MKS1: variants seen among roughly 807,000 people sequenced by gnomAD.
MKS1 encodes the protein tectonic-like complex member MKS1.
Under a neutral mutation model 83.7 loss-of-function variants are expected in MKS1, and 70 were observed. The ratio of observed to expected loss-of-function variants is 0.84; its 90% confidence interval spans 0.69 to 1.02. MKS1 has a LOEUF of 1.02. Ranked by LOEUF, MKS1 falls within the 50% of genes least tolerant of loss-of-function variation. MKS1 has a pLI of 0.00. For synonymous variants in MKS1, 251 were observed against 273.4 expected, an observed-to-expected ratio of 0.92 and a Z score of 0.81; for missense variants, 681 against 726.9, an observed-to-expected ratio of 0.94 and a Z score of 0.73.
chr17:58,214,214 AG>A (rs748083830), intron 6 of MKS1, 44 bp downstream of exon 6: 2 of 1,613,600 alleles, frequency 1.2e-6, no homozygotes, highest in African/African-American at 2.7e-5. Flanking sequence ...TGGTGAGAGG[AG>A]AAAAGGATGA....
Position 58,213,048 on chromosome 17 carries a change from C to A in MKS1, c.792G>T (p.Thr264=), listed in dbSNP as rs1272905094. 6 of 1,614,150 alleles carry A rather than the reference C, an allele frequency of 3.7e-6. No homozygotes were observed. Among genetic ancestry groups the A allele is most frequent in the Non-Finnish European group, 5.1e-6 (6 of 1,180,030 alleles). ...GTGCGTGGGGGGAAACATTGTCGAT[C>A]GTATATTTCCACAGCTCCTGCTTCT... ...EGEKQELWKY[T]IDNVSPHAQP... The change falls in exon 8 of 18, where the codon ACG becomes ACT. Residue 264 remains threonine, a synonymous_variant. Coordinates refer to ENST00000393119, the MANE Select transcript of MKS1 (RefSeq NM_017777.4).
rs375223375 is a variant in MKS1, at chr17:58,219,199, C to G, written c.32G>C (p.Gly11Ala). 29 of 1,551,178 alleles carry G rather than the reference C, an allele frequency of 1.9e-5. No homozygotes were observed. The highest frequency in any genetic ancestry group is 2.5e-5 in the Non-Finnish European group (29 of 1,147,000). Reference protein sequence around the residue: MAETVWSTDTGEAVYRSRDPV... With the variant: MAETVWSTDTAEAVYRSRDPV... ...GTCCCGGGAGCGATACACTGCCTCC[C>G]CGGTGTCAGTGCTCCAGACGGTCTC... is the stretch of plus-strand genomic sequence containing the variant. Residue 11 changes from glycine to alanine, a missense_variant, in exon 1 of 18, where the codon GGG becomes GCG. Physicochemically the swap from Gly to Ala is moderately conservative, Grantham distance 60. Transcript: ENST00000393119.
Position 58,210,706 on chromosome 17 carries a change from T to C in MKS1, c.977A>G (p.Glu326Gly), listed in dbSNP as rs768515749. The part of the protein sequence containing the change: ...NGEVVSAQGY[E>G]YDNLYVHFFV... The stretch of plus-strand genomic sequence containing the variant: ...GAAGTGGACGTAGAGATTGTCATAC[T>C]CATAGCCTTGGGCTGAAACTACGAG... The change falls in exon 11 of 18, where the codon GAG becomes GGG. Residue 326 changes from glutamate (E) to glycine (G), a missense_variant. Around this residue, in one of 3 missense-constraint regions of MKS1, gnomAD observed 310 missense variants for 321.7 expected, o/e 0.96. Coordinates refer to ENST00000393119, the MANE Select transcript of MKS1 (RefSeq NM_017777.4). 6.2e-7 allele frequency: 1 copy of C among 1,614,180 alleles called. No homozygotes were observed. The highest frequency in any genetic ancestry group is 8.5e-7 in the Non-Finnish European group (1 of 1,179,998).
Position 58,214,763 on chromosome 17 carries a change from G to A in MKS1, c.493C>T (p.Arg165Cys), listed in dbSNP as rs779953982. The A allele has an allele frequency of 2.1e-5, 34 of 1,606,700 alleles. No individual in the cohort carries two copies. The highest frequency in any genetic ancestry group is 2.6e-5 in the Non-Finnish European group (31 of 1,179,786). Residue 165 changes from arginine to cysteine, a missense_variant, in exon 5 of 18, where the codon CGC (arginine) becomes TGC (cysteine). Arg to Cys is a radical substitution (Grantham distance 180, BLOSUM62 -3). Transcript: ENST00000393119. Reference protein sequence around the residue: ...LVERMANVRRRRQDRRGMEGG... With the variant: ...LVERMANVRRCRQDRRGMEGG... ...CACATCCCTCGCCTGTCCTGCCGGC[G>A]ACGCCTGACATTTGCCATTCGCTCG... is the stretch of plus-strand genomic sequence containing the variant.
At chr17:58,207,566 T>C (rs1220392253) in intron 14 of MKS1, 1 of 538,772 alleles carries the variant, frequency 1.9e-6, no homozygotes, top group Non-Finnish European at 3.3e-6. Context: ...TGGCACACAG[T>C]AAAAGACAGA....
At position 58,208,190 on chromosome 17, in the gene MKS1, T is replaced by G; in HGVS notation, c.1096-16A>C. 6.2e-7 allele frequency: 1 copy of G among 1,601,700 alleles called. No homozygotes were observed. The highest frequency in any genetic ancestry group is 2.2e-5 in the East Asian group (1 of 44,826). On this transcript the variant is annotated splice_polypyrimidine_tract_variant and intron_variant, in intron 12 of 17. Transcript: ENST00000393119. ...CCACCTTGTCCTATAAAAAGGAGTG[T>G]CATAGGGTGGGCAAGGCCTCCCTTG...
At chr17:58,212,883 G>A in intron 8 of MKS1, 99 bp downstream of exon 8, 2 of 1,215,378 alleles carry the variant, frequency 1.6e-6, no homozygotes, top group Non-Finnish European at 2.4e-6. Flanking sequence ...TGAAGGGCAA[G>A]GCTTTTCCCG....
At chr17:58,217,737 C>G (rs1277742367) in intron 2 of MKS1, among the ~76,000 whole-genome samples, 1 of 152,040 alleles carries the variant, frequency 6.6e-6, no homozygotes, top group Non-Finnish European at 1.5e-5. Flanking sequence ...CCTGGGAGAC[C>G]AAGGTTTACA....
Position 58,214,303 on chromosome 17 carries a change from A to T in MKS1, c.600T>A (p.Pro200=). 6.2e-7 allele frequency: 1 copy of T among 1,614,136 alleles called. No individual in the cohort carries two copies. The highest frequency in any genetic ancestry group is 8.5e-7 in the Non-Finnish European group (1 of 1,180,034). The part of the protein sequence containing the change: ...FVRNNHVINT[P]LQTMHIMADL... ...CTGCCATGATGTGCATTGTCTGAAG[A>T]GGGGTGTTAATGACGTGGTTGTTCC... Residue 200 remains proline, a synonymous_variant, in exon 6 of 18, where the codon CCT becomes CCA. Transcript: ENST00000393119.
intron 12 of MKS1, 48 bp from the exon 13 acceptor site, chr17:58,208,222 G>T (rs754093078): frequency 1.4e-5 from 21 of 1,491,376 alleles, no homozygotes; most frequent in Non-Finnish European, 1.8e-5. Context: ...CTTGGAATCT[G>T]TTCTCCTTGT....
rs1968649763 is a variant in MKS1 at position 58,208,221 on chromosome 17, T to G, written c.1096-47A>C. The G allele has an allele frequency of 2.0e-6, 3 of 1,491,894 alleles. No homozygotes were observed. The African/African-American group carries it at 4.1e-5, about 21-fold the overall frequency. The allele number at this position is 1,491,894 out of a possible 1,614,324, so 92.4% of individuals were successfully genotyped here. On this transcript the variant is annotated intron_variant, in intron 12 of 17. Transcript: ENST00000393119. The stretch of plus-strand genomic sequence containing the variant: ...GGTGGGCAAGGCCTCCCTTGGAATC[T>G]GTTCTCCTTGTGGCCAATGACAAGG...
chr17:58,207,894 C>G lies in MKS1; in HGVS notation c.1273G>C (p.Gly425Arg), dbSNP rs774840755. 3.1e-6 allele frequency: 5 copies of G among 1,613,560 alleles called. No individual in the cohort carries two copies. In the African/African-American group the frequency reaches 4.0e-5, roughly 13 times the overall value. ...CAGAAGGGCAGAGACGAGCGGTTAC[C>G]TGGAGTGGCAGGCAGCACCACAGCC... ...YGAVVLPATP[G>R]SHTLTVSTWR... Residue 425 changes from glycine to arginine, a missense_variant and splice_region_variant, in exon 14 of 18, where the codon GGC (glycine) becomes CGC (arginine). Around this residue, in one of 3 missense-constraint regions of MKS1, gnomAD observed 310 missense variants for 321.7 expected, o/e 0.96. Transcript: ENST00000393119.
In MKS1 at chr17:58,211,147, C is replaced by T; in HGVS notation, c.916-125G>A. The T allele has an allele frequency of 6.0e-6, 5 of 838,834 alleles. No homozygotes were observed. In the South Asian group the frequency reaches 6.9e-5, roughly 12 times the overall value. 52.0% of individuals were successfully genotyped at this position (838,834 alleles called of 1,614,324 possible). ...GGTCAGGCCCTGGGTGTCACTACTGCACTTTCTCCCCACCCTGACACTTCT... is the reference window on the plus strand; with the variant it reads ...GGTCAGGCCCTGGGTGTCACTACTGTACTTTCTCCCCACCCTGACACTTCT... On this transcript the variant is annotated intron_variant, in intron 9 of 17. Transcript: ENST00000393119.
At chr17:58,214,654 T>C in intron 5 of MKS1, 87 bp downstream of exon 5, 1 of 1,384,886 alleles carries the variant, frequency 7.2e-7, no homozygotes, top group Non-Finnish European at 9.9e-7. Context: ...TTGAATACTA[T>C]ATATAACCAC....
At position 58,206,274 on chromosome 17, in the gene MKS1, G is replaced by T; in HGVS notation, c.1588+9C>A. 6.2e-7 allele frequency: 1 copy of T among 1,614,050 alleles called. No individual in the cohort carries two copies. Reference sequence around the variant, plus strand: ...GACCTGGGGTGGCCAGCTGGGGGAGGGGACATACCTAGCACATTGTGAATG... The same window carrying T: ...GACCTGGGGTGGCCAGCTGGGGGAGTGGACATACCTAGCACATTGTGAATG... On this transcript the variant is annotated intron_variant, in intron 17 of 17. Coordinates refer to ENST00000393119, the MANE Select transcript of MKS1 (RefSeq NM_017777.4).
At chr17:58,216,842 ACTAG>A in intron 2 of MKS1, 106 bp from the exon 3 acceptor site, 1 of 1,187,614 alleles carries the variant, frequency 8.4e-7, no homozygotes, top group Non-Finnish European at 1.2e-6. Flanking sequence ...TGCCACAAAA[ACTAG>A]CTGGAATTCA....
chr17:58,206,173 G>A lies in MKS1; in HGVS notation c.1589-3C>T, dbSNP rs752901746. 2.0e-5 allele frequency: 32 copies of A among 1,613,930 alleles called. No individual in the cohort carries two copies. Among genetic ancestry groups the A allele is most frequent in the Middle Eastern group, 1.6e-4 (1 of 6,084 alleles). ...GCGCCGGGCTCGACGGAAGGCCTCT[G>A]TAAGGAAAGGAGATATGCTATTTGG... On this transcript the variant is annotated splice_polypyrimidine_tract_variant and splice_region_variant and intron_variant, in intron 17 of 17. Transcript: ENST00000393119.
intron 7 of MKS1, 64 bp downstream of exon 7, chr17:58,213,701 G>T: frequency 2.4e-6 from 3 of 1,234,910 alleles, no homozygotes; most frequent in Non-Finnish European, 3.6e-6. Context: ...AGTTGACTAG[G>T]GACAAAAAGT....
At chr17:58,218,476 A>ACC in intron 2 of MKS1, 144 bp downstream of exon 2, 1 of 428,090 alleles carries the variant, frequency 2.3e-6, no homozygotes, top group Non-Finnish European at 4.3e-6. Flanking sequence ...AAAAAAAAAA[A>ACC]AAAAGCCACA....
Sources: gnomAD v4.1 joint callset for allele counts (sites outside exome capture counted in the v4.1 genomes callset) on GRCh38, gnomAD v4.1.1 for gene constraint, gnomAD v4.1.1 regional missense constraint, MANE v1.5 for transcripts, NCBI Gene and HGNC (gene_info 2026-07-23, HGNC 2026-07-21) for gene names.